Variants in MLLT3 observed in about 807,000 individuals in gnomAD.
The protein encoded by MLLT3 is MLLT3 super elongation complex subunit.
In MLLT3, 4 loss-of-function variants were observed where a neutral mutation model predicts 53.2. The observed-to-expected ratio is 0.08, with a 90% CI of 0.04 to 0.17. The LOEUF (loss-of-function observed/expected upper bound fraction) is 0.17. MLLT3 is among the 10% of genes least tolerant of loss of function. The probability of loss-of-function intolerance (pLI) is 1.00; values close to 1 mark genes in which losing one functional copy is unlikely to be tolerated. For synonymous variants in MLLT3, 283 were observed against 230.6 expected, an observed-to-expected ratio of 1.23 and a Z score of -2.06; for missense variants, 569 against 684.0, an observed-to-expected ratio of 0.83 and a Z score of 1.87.
At chr9:20,596,170 G>C (rs998847077) in intron 2 of MLLT3, among the ~76,000 whole-genome samples, 1 of 152,132 alleles carries the variant, frequency 6.6e-6, no homozygotes, top group Non-Finnish European at 1.5e-5. Context: ...TCTGTATCAG[G>C]AATTGCCTCC....
chr9:20,471,074 C>T (rs1824378917), intron 2 of MLLT3, among the ~76,000 whole-genome samples: 1 of 151,918 alleles, frequency 6.6e-6, no homozygotes, highest in Non-Finnish European at 1.5e-5. Context: ...AAGAGCTCTG[C>T]CAGCCACCCT....
chr9:20,403,687 G>A (rs868537818), intron 5 of MLLT3, among the ~76,000 whole-genome samples: 2 of 152,164 alleles, frequency 1.3e-5, no homozygotes, highest in Admixed American at 6.6e-5. Context: ...ACAAGTCTGA[G>A]GCTCACTTTA....
intron 2 of MLLT3, among the ~76,000 whole-genome samples, chr9:20,574,756 GACA>G (rs1175678212): frequency 2.0e-5 from 3 of 152,144 alleles, no homozygotes; most frequent in Non-Finnish European, 4.4e-5. Flanking sequence ...CTGGAAATAT[GACA>G]ACAATAAAGT....
At chr9:20,470,989 T>C (rs192331378) in intron 2 of MLLT3, among the ~76,000 whole-genome samples, 5 of 152,110 alleles carry the variant, frequency 3.3e-5, no homozygotes, top group African/African-American at 1.2e-4. Context: ...GTATGATTTA[T>C]TTAACACCTT....
At chr9:20,525,809 T>C (rs745413399) in intron 2 of MLLT3, among the ~76,000 whole-genome samples, 10 of 152,234 alleles carry the variant, frequency 6.6e-5, no homozygotes, top group Non-Finnish European at 8.8e-5. Flanking sequence ...CTATTACTTA[T>C]AACTGGTCTC....
chr9:20,519,319 G>A lies in MLLT3; in HGVS notation c.194-62533C>T, dbSNP rs1022583859. ...AAGACTTTTAACAATAGAGGAAATCGAGTGAGGAGTATACAGGGACACTCT... is the reference window on the plus strand; with the variant it reads ...AAGACTTTTAACAATAGAGGAAATCAAGTGAGGAGTATACAGGGACACTCT... On this transcript the variant is annotated intron_variant, in intron 2 of 10. Transcript: ENST00000380338. 4.9e-4 allele frequency among the ~76,000 whole-genome samples: 75 copies of A among 152,124 alleles called. 2 individuals are homozygous for A. Among genetic ancestry groups the A allele is most frequent in the Non-Finnish European group, 7.4e-5 (5 of 68,004 alleles).
chr9:20,401,756 T>G (rs1280160500), intron 5 of MLLT3, among the ~76,000 whole-genome samples: 4 of 152,224 alleles, frequency 2.6e-5, no homozygotes, highest in African/African-American at 4.8e-5. Context: ...GAATAATGTC[T>G]AACTGCAAGG....
intron 5 of MLLT3, among the ~76,000 whole-genome samples, chr9:20,391,028 C>T (rs553897871): frequency 3.9e-5 from 6 of 152,284 alleles, no homozygotes; most frequent in Non-Finnish European, 7.4e-5. Flanking sequence ...TCTAGGCATA[C>T]AGCTCAATTA....
chr9:20,621,902 CGTGTGTGTGT>C lies in MLLT3; in HGVS notation c.12+333_12+342del, dbSNP rs142328824. Reference sequence around the variant, plus strand: ...TGAGTTATTATTCGCCTCCTTCCACCGTGTGTGTGTGTGTGTGTGAGTGCGCGCGTGTGAG... The same window carrying C: ...TGAGTTATTATTCGCCTCCTTCCACCGTGTGTGTGAGTGCGCGCGTGTGAG... On this transcript the variant is annotated intron_variant, in intron 1 of 10. Coordinates refer to ENST00000380338, the MANE Select transcript of MLLT3 (RefSeq NM_004529.4). The surrounding 1 kb of genome is among the most constrained non-coding windows in gnomAD (Gnocchi z 7.0). The C allele has an allele frequency of 1.4e-6, 1 of 733,056 alleles. No individual in the cohort carries two copies. The highest frequency in any genetic ancestry group is 1.9e-6 in the Non-Finnish European group (1 of 533,282). 45.4% of individuals were successfully genotyped at this position (733,056 alleles called of 1,614,324 possible). A position where few individuals can be genotyped will look rare whatever the true frequency, so the allele number is the denominator to read the frequency against.
At chr9:20,388,822 T>A (rs1207640922) in intron 5 of MLLT3, among the ~76,000 whole-genome samples, 2 of 152,142 alleles carry the variant, frequency 1.3e-5, no homozygotes, top group Non-Finnish European at 2.9e-5. Context: ...TGTTTTTTTG[T>A]GTGTGGTGAA....
intron 2 of MLLT3, among the ~76,000 whole-genome samples, chr9:20,484,232 T>C (rs1290251942): frequency 6.6e-6 from 1 of 152,078 alleles, no homozygotes; most frequent in Non-Finnish European, 1.5e-5. Context: ...CCAAATAAAT[T>C]TTCCTACTAG....
chr9:20,470,100 C>T (rs1824344181), intron 2 of MLLT3, among the ~76,000 whole-genome samples: 1 of 151,874 alleles, frequency 6.6e-6, no homozygotes, highest in South Asian at 2.1e-4. Flanking sequence ...TTTTTGTTGA[C>T]TTGAATGTCC....
intron 2 of MLLT3, among the ~76,000 whole-genome samples, chr9:20,484,234 T>C (rs372094663): frequency 6.6e-6 from 1 of 152,160 alleles, no homozygotes; most frequent in Non-Finnish European, 1.5e-5. Context: ...AAATAAATTT[T>C]CCTACTAGTA....
At chr9:20,465,506 G>C (rs1013210473) in intron 2 of MLLT3, among the ~76,000 whole-genome samples, 3 of 152,052 alleles carry the variant, frequency 2.0e-5, no homozygotes, top group African/African-American at 7.2e-5. Context: ...ATTGCATAGG[G>C]TGATAGAAAT....
At chr9:20,602,042 A>G (rs1476893492) in intron 2 of MLLT3, among the ~76,000 whole-genome samples, 1 of 152,154 alleles carries the variant, frequency 6.6e-6, no homozygotes, top group Non-Finnish European at 1.5e-5. Context: ...CCACTCCTAT[A>G]AACACACAAA....
At chr9:20,374,207 A>AT (rs761795773) in intron 5 of MLLT3, among the ~76,000 whole-genome samples, 2 of 152,290 alleles carry the variant, frequency 1.3e-5, no homozygotes, top group Admixed American at 6.5e-5. Context: ...ACACAGTGAG[A>AT]TCCCCATCTC....
At chr9:20,542,777 G>T (rs1818676765) in intron 2 of MLLT3, among the ~76,000 whole-genome samples, 1 of 152,190 alleles carries the variant, frequency 6.6e-6, no homozygotes, top group Non-Finnish European at 1.5e-5. Context: ...AAGATTTGAA[G>T]CTAGGCATTG....
chr9:20,410,318 T>C (rs1052347362), intron 5 of MLLT3, among the ~76,000 whole-genome samples: 3 of 152,216 alleles, frequency 2.0e-5, no homozygotes, highest in Non-Finnish European at 4.4e-5. Flanking sequence ...AGTCAAGTCA[T>C]ACATAGCAAT....
chr9:20,602,382 C>T (rs1485174891), intron 2 of MLLT3, among the ~76,000 whole-genome samples: 1 of 152,016 alleles, frequency 6.6e-6, no homozygotes, highest in African/African-American at 2.4e-5. Flanking sequence ...AAGCTAGAAG[C>T]TTTCAATAAG....
Sources: allele counts gnomAD v4.1 joint callset (sites outside exome capture counted in the v4.1 genomes callset), GRCh38; gene constraint gnomAD v4.1.1; non-coding constraint Gnocchi (gnomAD v3.1); transcripts MANE v1.5; gene names NCBI Gene and HGNC (gene_info 2026-07-23, HGNC 2026-07-21).